RNF130: variants seen among roughly 807,000 people sequenced by gnomAD.
RNF130 encodes the protein E3 ubiquitin-protein ligase RNF130.
RNF130 carries 21 observed loss-of-function variants against 44.6 expected under a neutral mutation model. That is an observed-to-expected ratio of 0.47 (90% CI 0.33 to 0.68). The LOEUF (loss-of-function observed/expected upper bound fraction) is 0.68. Ranked by LOEUF, RNF130 falls within the 30% of genes least tolerant of loss-of-function variation. The probability of loss-of-function intolerance (pLI) is 0.02; values close to 1 mark genes in which losing one functional copy is unlikely to be tolerated. For missense variants in RNF130, 479 were observed against 560.6 expected (o/e 0.85, Z 1.47); for synonymous variants, 214 against 210.4 (o/e 1.02, Z -0.15).
chr5:180,013,631 A>G (rs917373492), intron 2 of RNF130, among the ~76,000 whole-genome samples: 7 of 152,372 alleles, frequency 4.6e-5, no homozygotes, highest in African/African-American at 1.7e-4. Flanking sequence ...ACAGACAGCA[A>G]CATAACATTA....
At chr5:180,015,227 AAAT>A (rs1763689741) in intron 2 of RNF130, 3 of 422,808 alleles carry the variant, frequency 7.1e-6, no homozygotes, top group African/African-American at 6.0e-5. Context: ...GACAATCACA[AAAT>A]AATGCTAAAC....
chr5:180,060,732 C>T (rs1211893816), intron 1 of RNF130, among the ~76,000 whole-genome samples: 1 of 152,102 alleles, frequency 6.6e-6, no homozygotes, highest in Non-Finnish European at 1.5e-5. Context: ...CATCACTTAT[C>T]AAAGGGGATC....
chr5:180,039,428 G>C (rs898918259), intron 2 of RNF130, among the ~76,000 whole-genome samples: 84 of 152,070 alleles, frequency 5.5e-4, no homozygotes, highest in African/African-American at 1.9e-3. Context: ...GTAGAGACAG[G>C]GGTTTCAGCA....
chr5:179,959,394 G>C (rs761127348), intron 8 of RNF130, among the ~76,000 whole-genome samples: 1 of 152,004 alleles, frequency 6.6e-6, no homozygotes, highest in East Asian at 1.9e-4. Flanking sequence ...TTGGGAGGCC[G>C]AGACAGGTGG....
intron 2 of RNF130, among the ~76,000 whole-genome samples, chr5:180,017,767 G>T (rs763878817): frequency 6.6e-6 from 1 of 152,130 alleles, no homozygotes; most frequent in Non-Finnish European, 1.5e-5. Context: ...AGTTTTGAGA[G>T]GCCAACAGAA....
intron 3 of RNF130, among the ~76,000 whole-genome samples, chr5:180,007,478 T>C (rs559878331): frequency 6.6e-6 from 1 of 152,350 alleles, no homozygotes; most frequent in Admixed American, 6.5e-5. Flanking sequence ...TTTGCTAATA[T>C]TATGGCTTCT....
Position 179,955,462 on chromosome 5 carries a change from A to C in RNF130, c.*192T>G. Reference sequence around the variant, plus strand: ...CCTCAAAACACAGGTCTGGTTAATAAGACTCAACAGCACAGACTTTTTATT... The same window carrying C: ...CCTCAAAACACAGGTCTGGTTAATACGACTCAACAGCACAGACTTTTTATT... On this transcript the variant is annotated 3_prime_UTR_variant, in exon 9 of 9. Coordinates refer to ENST00000521389, the MANE Select transcript of RNF130 (RefSeq NM_018434.6). The C allele has an allele frequency of 2.0e-6, 1 of 496,812 alleles. No homozygotes were observed. 30.8% of individuals were successfully genotyped at this position (496,812 alleles called of 1,614,324 possible).
chr5:179,934,694 C>G (rs1490494869), intron 7 of RNF130, among the ~76,000 whole-genome samples: 1 of 151,774 alleles, frequency 6.6e-6, no homozygotes, highest in Non-Finnish European at 1.5e-5. Flanking sequence ...AGGTGTGCGC[C>G]ACCACATCCG....
intron 1 of RNF130, among the ~76,000 whole-genome samples, chr5:180,057,453 G>A (rs538432880): frequency 6.6e-6 from 1 of 152,250 alleles, no homozygotes; most frequent in East Asian, 1.9e-4. Flanking sequence ...GGAGGCTGAG[G>A]CAGGAAATTG....
In RNF130 at chr5:180,040,554, G is replaced by A; in HGVS notation, c.341C>T (p.Thr114Met). The A allele has an allele frequency of 6.2e-7, 1 of 1,614,130 alleles. No homozygotes were observed. Among genetic ancestry groups the A allele is most frequent in the Non-Finnish European group, 8.5e-7 (1 of 1,180,014 alleles). Reference protein sequence around the residue: ...WIALLQRGNCTFKEKISRAAF... With the variant: ...WIALLQRGNCMFKEKISRAAF... ...GGCCCGTGATATTTTCTCTTTAAAC[G>A]TGCAGTTTCCCCTCTGCAGCAAGGC... The change falls in exon 2 of 9, where the codon ACG (threonine) becomes ATG (methionine). Residue 114 changes from threonine to methionine, a missense_variant. By Grantham distance (81) the Thr-to-Met change is moderately conservative. Coordinates refer to ENST00000521389, the MANE Select transcript of RNF130 (RefSeq NM_018434.6).
chr5:179,937,941 A>T (rs1019821240), intron 7 of RNF130, among the ~76,000 whole-genome samples: 480 of 143,990 alleles, frequency 3.3e-3, no homozygotes, highest in Middle Eastern at 6.9e-3. Flanking sequence ...TGTGAGAGAG[A>T]GAGAGAGAGA....
chr5:179,973,511 TC>T (rs1206204066), intron 5 of RNF130, among the ~76,000 whole-genome samples: 2 of 152,232 alleles, frequency 1.3e-5, no homozygotes, highest in African/African-American at 2.4e-5. Context: ...GGGCGTTTAA[TC>T]TACCTTGGGA....
At chr5:180,063,229 G>A (rs1387023811) in intron 1 of RNF130, among the ~76,000 whole-genome samples, 2 of 152,182 alleles carry the variant, frequency 1.3e-5, no homozygotes, top group African/African-American at 2.4e-5. Context: ...AAAAGGCAGA[G>A]AGACCAAGAA....
At chr5:179,944,320 T>G (rs7713656) in intron 7 of RNF130, among the ~76,000 whole-genome samples, 1,594 of 152,246 alleles carry the variant, frequency 0.01, 29 homozygotes, top group African/African-American at 0.035. Flanking sequence ...TTCCAATAAA[T>G]TAAATAACTA....
chr5:180,051,238 A>ATATCTATTTATTTATT lies in RNF130; in HGVS notation c.248-10592_248-10591insAATAAATAAATAGATA, dbSNP rs140645406. Among the ~76,000 whole-genome samples the ATATCTATTTATTTATT allele has an allele frequency of 2.1e-5, 3 of 144,158 alleles. No homozygotes were observed. In the East Asian group the frequency reaches 6.2e-4, roughly 30 times the overall value. The allele number at this position is 144,158 out of a possible 152,430, so 94.6% of individuals were successfully genotyped here. ...ATTATCACCTTTTTGTATAGATATT[A>ATATCTATTTATTTATT]TATTTATTTATTTATTTATTTATTT... is the stretch of plus-strand genomic sequence containing the variant. On this transcript the variant is annotated intron_variant, in intron 1 of 8. Coordinates refer to ENST00000521389, the MANE Select transcript of RNF130 (RefSeq NM_018434.6).
intron 5 of RNF130, 65 bp downstream of exon 5, chr5:179,978,138 C>A: frequency 1.5e-6 from 2 of 1,366,838 alleles, no homozygotes; most frequent in Non-Finnish European, 2.1e-6. Flanking sequence ...AGATGCCCAC[C>A]CTGAAAAGGA....
chr5:179,965,270 C>T (rs1168605945), intron 7 of RNF130, among the ~76,000 whole-genome samples: 1 of 152,252 alleles, frequency 6.6e-6, no homozygotes, highest in Non-Finnish European at 1.5e-5. Flanking sequence ...CCAGTGCCTA[C>T]TTAGCACAGT....
chr5:180,010,703 G>C (rs1338171991), intron 3 of RNF130, among the ~76,000 whole-genome samples: 5 of 152,142 alleles, frequency 3.3e-5, no homozygotes, highest in Non-Finnish European at 7.3e-5. Context: ...CAAAACTATA[G>C]AGATGAGAAA....
chr5:179,953,817 T>C (rs563968945), downstream of RNF130, among the ~76,000 whole-genome samples: 24 of 152,290 alleles, frequency 1.6e-4, no homozygotes, highest in African/African-American at 2.2e-4. Flanking sequence ...AGAAAGTGAA[T>C]AAATAGTTTA....
Sources: gnomAD v4.1 joint callset for allele counts (sites outside exome capture counted in the v4.1 genomes callset) on GRCh38, gnomAD v4.1.1 for gene constraint, MANE v1.5 for transcripts, NCBI Gene and HGNC (gene_info 2026-07-23, HGNC 2026-07-21) for gene names.